The following PPP1R16B variants were observed in gnomAD, a reference collection of about 807,000 sequenced individuals.
PPP1R16B encodes the protein protein phosphatase 1 regulatory subunit 16B, also known as protein phosphatase 1 regulatory inhibitor subunit 16B.
In PPP1R16B, 14 loss-of-function variants were observed where a neutral mutation model predicts 61.7. The ratio of observed to expected loss-of-function variants is 0.23; its 90% confidence interval spans 0.15 to 0.35. The LOEUF (loss-of-function observed/expected upper bound fraction) is 0.35. PPP1R16B is among the 10% of genes least tolerant of loss of function. The pLI is 1.00. For synonymous variants in PPP1R16B, 266 were observed against 305.3 expected (o/e 0.87, Z 1.34); for missense variants, 547 against 752.5 (o/e 0.73, Z 3.19).
intron 2 of PPP1R16B, among the ~76,000 whole-genome samples, chr20:38,855,907 CATATATATATATAT>C (rs371138532): frequency 3.8e-3 from 68 of 17,790 alleles, no homozygotes; most frequent in East Asian, 7.0e-3. Context: ...CAGTTTCCTA[CATATATATATATAT>C]ATATATATAT....
At chr20:38,841,475 C>T (rs1383601859) in intron 2 of PPP1R16B, among the ~76,000 whole-genome samples, 1 of 151,812 alleles carries the variant, frequency 6.6e-6, no homozygotes, top group African/African-American at 2.4e-5. Flanking sequence ...CTGCAGTGAG[C>T]CATGATTGAA....
chr20:38,855,933 T>TAG (rs1362360833), intron 2 of PPP1R16B, among the ~76,000 whole-genome samples: 97 of 48,300 alleles, frequency 2.0e-3, no homozygotes, highest in Non-Finnish European at 2.8e-3. Flanking sequence ...TATATATATA[T>TAG]ATATATATAT....
chr20:38,850,746 C>T (rs536592908), intron 2 of PPP1R16B, among the ~76,000 whole-genome samples: 2 of 152,136 alleles, frequency 1.3e-5, no homozygotes, highest in African/African-American at 4.8e-5. Context: ...GTGGGCAGAT[C>T]ACCTGAGGTC....
In PPP1R16B at chr20:38,830,907, A is replaced by C. The variant is rs1245732099; in HGVS notation, c.-101-4918A>C. On this transcript the variant is annotated intron_variant, in intron 1 of 10. Transcript: ENST00000299824. ...TGTAACAGCGCAAGTGATTGGTACC[A>C]TTACTCTTTACTTTTAGCATGTTTT... Among the ~76,000 whole-genome samples, 5 of 152,192 alleles carry C rather than the reference A, an allele frequency of 3.3e-5. No homozygotes were observed. The East Asian group carries it at 9.6e-4, about 29-fold the overall frequency.
At chr20:38,814,676 T>A (rs981299634) in intron 1 of PPP1R16B, among the ~76,000 whole-genome samples, 5 of 152,104 alleles carry the variant, frequency 3.3e-5, no homozygotes, top group African/African-American at 1.2e-4. Context: ...GCTGGGTCAT[T>A]CATTTTGTTC....
chr20:38,808,443 C>T (rs1160609261), intron 1 of PPP1R16B, among the ~76,000 whole-genome samples: 1 of 152,142 alleles, frequency 6.6e-6, no homozygotes, highest in Non-Finnish European at 1.5e-5. Context: ...GAGGTCCCAA[C>T]TGGCACTCTT....
intron 10 of PPP1R16B, among the ~76,000 whole-genome samples, chr20:38,913,704 A>G (rs2085510163): frequency 6.6e-6 from 1 of 152,170 alleles, no homozygotes; most frequent in South Asian, 2.1e-4. Context: ...CAGAGGCTGC[A>G]AGGACTGAGG....
intron 2 of PPP1R16B, among the ~76,000 whole-genome samples, chr20:38,851,864 CA>C (rs2084971028): frequency 6.6e-6 from 1 of 151,450 alleles, no homozygotes; most frequent in Non-Finnish European, 1.5e-5. Flanking sequence ...CTACCAAAAA[CA>C]AAAACAAAAA....
intron 2 of PPP1R16B, among the ~76,000 whole-genome samples, chr20:38,846,725 G>C (rs146765587): frequency 6.6e-6 from 1 of 152,122 alleles, no homozygotes; most frequent in Non-Finnish European, 1.5e-5. Flanking sequence ...TTGGTTGGCC[G>C]GGCGCTGTGG....
chr20:38,908,968 C>CGT lies in PPP1R16B; in HGVS notation c.1194+786_1194+787dup, dbSNP rs373782872. Among the ~76,000 whole-genome samples the CGT allele has an allele frequency of 4.9e-4, 75 of 152,102 alleles. 1 individual carries two copies. Among genetic ancestry groups the CGT allele is most frequent in the East Asian group, 7.7e-4 (4 of 5,182 alleles). ...TCTATCTCCACATGACCTTTTTCTT[C>CGT]GTGTGTGTGTGTCTGTTTTCTTTTT... On this transcript the variant is annotated intron_variant, in intron 10 of 10. Coordinates refer to ENST00000299824, the MANE Select transcript of PPP1R16B (RefSeq NM_015568.4).
intron 2 of PPP1R16B, among the ~76,000 whole-genome samples, chr20:38,839,588 T>C (rs746795960): frequency 6.6e-6 from 1 of 152,212 alleles, no homozygotes; most frequent in Non-Finnish European, 1.5e-5. Context: ...TTCATTTGCA[T>C]ATGCACTTGT....
chr20:38,836,111 G>T lies in PPP1R16B; in HGVS notation c.186G>T (p.Lys62Asn), dbSNP rs756437510. ...AGCGCAGCACGGGCGGCCGCCGCAA[G>T]AAAGTGTCCTTCGAGGCCAGCGTGG... ...ERKRSTGGRRKKVSFEASVAL... is the reference protein window; with the variant it reads ...ERKRSTGGRRNKVSFEASVAL... Residue 62 changes from lysine to asparagine, a missense_variant, in exon 2 of 11, where the codon AAG (lysine) becomes AAT (asparagine). By Grantham distance (94) the Lys-to-Asn change is moderately conservative (BLOSUM62 0). Coordinates refer to ENST00000299824, the MANE Select transcript of PPP1R16B (RefSeq NM_015568.4). 1 of 1,612,662 alleles carries T rather than the reference G, an allele frequency of 6.2e-7. No homozygotes were observed. The highest frequency in any genetic ancestry group is 8.5e-7 in the Non-Finnish European group (1 of 1,179,920).
At chr20:38,887,217 T>C (rs1386131715) in intron 2 of PPP1R16B, among the ~76,000 whole-genome samples, 2 of 152,204 alleles carry the variant, frequency 1.3e-5, no homozygotes, top group Non-Finnish European at 2.9e-5. Flanking sequence ...TGTGACTCTG[T>C]AACTGACAAA....
intron 1 of PPP1R16B, among the ~76,000 whole-genome samples, chr20:38,830,287 G>A (rs574766065): frequency 8.5e-5 from 13 of 152,326 alleles, no homozygotes; most frequent in African/African-American, 2.6e-4. Flanking sequence ...TGTGGTAGAT[G>A]CCACCTAAAT....
At chr20:38,873,750 T>TTTG (rs1405572807) in intron 2 of PPP1R16B, among the ~76,000 whole-genome samples, 37 of 150,790 alleles carry the variant, frequency 2.5e-4, no homozygotes, top group African/African-American at 8.8e-4. Flanking sequence ...TTTGTTTTTT[T>TTTG]TTTTTTGAGA....
Position 38,921,672 on chromosome 20 carries a change from C to CATCTTTGGGGGACTCTATAATAG in PPP1R16B, c.*3007_*3029dup, listed in dbSNP as rs2085599528. On this transcript the variant is annotated 3_prime_UTR_variant, in exon 11 of 11. Coordinates refer to ENST00000299824, the MANE Select transcript of PPP1R16B (RefSeq NM_015568.4). The stretch of plus-strand genomic sequence containing the variant: ...TTCAGTGATAGCTGCCTTCAGCCAG[C>CATCTTTGGGGGACTCTATAATAG]ATCTTTGGGGGACTCTATAATAGCA... 1 of 152,232 alleles carries CATCTTTGGGGGACTCTATAATAG rather than the reference C, an allele frequency of 6.6e-6. No homozygotes were observed. Among genetic ancestry groups the CATCTTTGGGGGACTCTATAATAG allele is most frequent in the Non-Finnish European group, 1.5e-5 (1 of 68,044 alleles). 9.4% of individuals were successfully genotyped at this position (152,232 alleles called of 1,614,324 possible).
At chr20:38,889,528 C>T (rs558944524) in intron 2 of PPP1R16B, 67 bp from the exon 3 acceptor site, 16 of 1,403,578 alleles carry the variant, frequency 1.1e-5, no homozygotes, top group African/African-American at 8.5e-5. Flanking sequence ...GGGTCTTACC[C>T]GGGCCCCTGC....
At chr20:38,888,387 A>G (rs2085262743) in intron 2 of PPP1R16B, among the ~76,000 whole-genome samples, 2 of 152,108 alleles carry the variant, frequency 1.3e-5, no homozygotes, top group South Asian at 4.1e-4. Context: ...ACAAACAGCC[A>G]CCCTCTGTTC....
intron 2 of PPP1R16B, among the ~76,000 whole-genome samples, chr20:38,886,157 C>A (rs1411504471): frequency 6.6e-6 from 1 of 152,214 alleles, no homozygotes; most frequent in Non-Finnish European, 1.5e-5. Flanking sequence ...GCGCCGAGGA[C>A]TTTGCTCCTG....
Sources: gnomAD v4.1 joint callset for allele counts (sites outside exome capture counted in the v4.1 genomes callset) on GRCh38, gnomAD v4.1.1 for gene constraint, MANE v1.5 for transcripts, NCBI Gene and HGNC (gene_info 2026-07-23, HGNC 2026-07-21) for gene names.